Variants in BCL11A observed in about 807,000 individuals in gnomAD.
The protein encoded by BCL11A is B cell CLL/lymphoma 11A.
A neutral mutation model predicts 55.9 loss-of-function variants in BCL11A; 2 were observed. That is an observed-to-expected ratio of 0.04 (90% CI 0.01 to 0.11). The LOEUF (loss-of-function observed/expected upper bound fraction) is 0.11, where lower values mean the gene tolerates loss of function less well. Ranked by LOEUF, BCL11A falls within the 10% of genes least tolerant of loss-of-function variation. The probability of loss-of-function intolerance (pLI) is 1.00; values close to 1 mark genes in which losing one functional copy is unlikely to be tolerated. For missense variants in BCL11A, 817 were observed against 1,137.1 expected (o/e 0.72, Z 4.05); for synonymous variants, 465 against 473.4 (o/e 0.98, Z 0.23).
chr2:60,461,150 C>A lies in BCL11A; in HGVS notation c.1762G>T (p.Asp588Tyr), dbSNP rs1194467711. 6.2e-7 allele frequency: 1 copy of A among 1,612,108 alleles called. No individual in the cohort carries two copies. The highest frequency in any genetic ancestry group is 1.7e-5 in the Admixed American group (1 of 59,910). The change falls in exon 4 of 4, where the codon GAC becomes TAC. Residue 588 changes from aspartate to tyrosine, a missense_variant. Transcript: ENST00000642384. ...AEGHRDTCDEDSVAGESDRID... is the reference protein window; with the variant it reads ...AEGHRDTCDEYSVAGESDRID... Reference sequence around the variant, plus strand: ...CGGTCCGACTCGCCGGCCACCGAGTCTTCGTCGCAAGTGTCCCTGTGGCCC... The same window carrying A: ...CGGTCCGACTCGCCGGCCACCGAGTATTCGTCGCAAGTGTCCCTGTGGCCC...
At chr2:60,526,354 C>CAATA (rs1166412652) in intron 2 of BCL11A, 1 of 152,176 alleles carries the variant, frequency 6.6e-6, no homozygotes, top group African/African-American at 2.4e-5. Flanking sequence ...TACATCTAAT[C>CAATA]AATAAATAAA....
At chr2:60,463,208 G>C (rs1003140154) in intron 3 of BCL11A, among the ~76,000 whole-genome samples, 2 of 152,186 alleles carry the variant, frequency 1.3e-5, no homozygotes, top group Non-Finnish European at 1.5e-5. Context: ...CAGATTTAAC[G>C]GATAGGCTGT....
In BCL11A at chr2:60,467,288, ATGGTGGTGGTAATGG is replaced by A. The variant is rs1202285953; in HGVS notation, c.487+1429_487+1443del. 1.8e-4 allele frequency among the ~76,000 whole-genome samples: 5 copies of A among 27,658 alleles called. 1 individual carries two copies. Among genetic ancestry groups the A allele is most frequent in the African/African-American group, 1.5e-4 (1 of 6,570 alleles). 18.1% of individuals were successfully genotyped at this position (27,658 alleles called of 152,430 possible). On this transcript the variant is annotated intron_variant, in intron 3 of 3. Coordinates refer to ENST00000642384, the MANE Select transcript of BCL11A (RefSeq NM_022893.4). ...GGTGATGGTGGTGGTGGTGGTAGTG[ATGGTGGTGGTAATGG>A]TGGTGGTGGTGATGGTGGTGGTGGT...
chr2:60,481,959 C>A (rs987753618), intron 2 of BCL11A, among the ~76,000 whole-genome samples: 10 of 152,196 alleles, frequency 6.6e-5, no homozygotes, highest in African/African-American at 1.9e-4. Context: ...TTCTCCGGAA[C>A]CTCTGGTCTG....
At chr2:60,524,658 CAA>C (rs1442766521) in intron 2 of BCL11A, 1 of 152,088 alleles carries the variant, frequency 6.6e-6, no homozygotes, top group Non-Finnish European at 1.5e-5. Flanking sequence ...CTATAGATCT[CAA>C]GAGTGCCTGT....
In BCL11A at chr2:60,518,240, T is replaced by C. The variant is rs1668821896; in HGVS notation, c.385+27731A>G. ...TATCAAACCTAGACCTAAAATCATC[T>C]TGTCTCATTCCCTCTGTCAACATCT... On this transcript the variant is annotated intron_variant, in intron 2 of 3. Coordinates refer to ENST00000642384, the MANE Select transcript of BCL11A (RefSeq NM_022893.4). 2.0e-5 allele frequency among the ~76,000 whole-genome samples: 3 copies of C among 152,212 alleles called. No homozygotes were observed. The South Asian group carries it at 6.2e-4, about 31-fold the overall frequency.
In BCL11A at chr2:60,469,306, T is replaced by A. The variant is rs149944377; in HGVS notation, c.386-473A>T. 1.4e-3 allele frequency among the ~76,000 whole-genome samples: 217 copies of A among 152,048 alleles called. 1 individual carries two copies. Among genetic ancestry groups the A allele is most frequent in the African/African-American group, 5.1e-3 (213 of 41,500 alleles). ...AGGAAATGAGTAGATTTGTGAATCGTTTTTTATGGGACAGAGTCCCACTTT... is the reference window on the plus strand; with the variant it reads ...AGGAAATGAGTAGATTTGTGAATCGATTTTTATGGGACAGAGTCCCACTTT... On this transcript the variant is annotated intron_variant, in intron 2 of 3. Transcript: ENST00000642384.
At chr2:60,522,489 G>T (rs1055726117) in intron 2 of BCL11A, 6 of 152,078 alleles carry the variant, frequency 3.9e-5, no homozygotes, top group African/African-American at 1.5e-4. Flanking sequence ...TTCCAGTGAG[G>T]TTCAAGACTG....
At chr2:60,475,168 C>A (rs1332747132) in intron 2 of BCL11A, among the ~76,000 whole-genome samples, 7 of 152,236 alleles carry the variant, frequency 4.6e-5, no homozygotes, top group African/African-American at 1.7e-4. Context: ...AAATATTGCA[C>A]ACTGATTCAT....
chr2:60,549,270 A>T (rs1447607264), intron 1 of BCL11A, among the ~76,000 whole-genome samples: 1 of 152,228 alleles, frequency 6.6e-6, no homozygotes, highest in East Asian at 1.9e-4. Flanking sequence ...AAGGGAAAAA[A>T]ATAATCCTTA....
At chr2:60,479,458 A>G (rs1233338447) in intron 2 of BCL11A, among the ~76,000 whole-genome samples, 1 of 152,246 alleles carries the variant, frequency 6.6e-6, no homozygotes, top group Non-Finnish European at 1.5e-5. Flanking sequence ...TCTCAGGTCT[A>G]CTAGGAACAG....
In BCL11A at chr2:60,553,617, T is replaced by G. The variant is rs1670514849; in HGVS notation, c.-347A>C. 4.8e-5 allele frequency: 17 copies of G among 353,016 alleles called. No individual in the cohort carries two copies. The South Asian group carries it at 7.7e-4, about 16-fold the overall frequency. 21.9% of individuals were successfully genotyped at this position (353,016 alleles called of 1,614,324 possible). A position where few individuals can be genotyped will look rare whatever the true frequency, so the allele number is the denominator to read the frequency against. On this transcript the variant is annotated 5_prime_UTR_variant, in exon 1 of 4. Transcript: ENST00000642384. ...AGTTCAAGTGCGGACGTGACGTCCC[T>G]GCGAACTTGAACGTCAGGAGTCTGG...
chr2:60,521,411 C>A (rs1444242769), intron 2 of BCL11A, among the ~76,000 whole-genome samples: 3 of 152,228 alleles, frequency 2.0e-5, no homozygotes, highest in Non-Finnish European at 2.9e-5. Context: ...TTAGGCCAGT[C>A]TCAGCTTCCA....
At chr2:60,532,847 C>G (rs1008507087) in intron 2 of BCL11A, 1 of 152,172 alleles carries the variant, frequency 6.6e-6, no homozygotes. Context: ...TTTCAAAAGA[C>G]TTATGCAAAG....
intron 2 of BCL11A, among the ~76,000 whole-genome samples, chr2:60,538,737 C>CTGTGTGTGTGTG (rs771828867): frequency 2.5e-5 from 3 of 118,758 alleles, no homozygotes; most frequent in African/African-American, 9.7e-5. Context: ...CTCTCTCTCT[C>CTGTGTGTGTGTG]TCTGTGTGTG....
chr2:60,491,074 G>T (rs971314121), intron 2 of BCL11A, among the ~76,000 whole-genome samples: 7 of 152,136 alleles, frequency 4.6e-5, no homozygotes, highest in Non-Finnish European at 8.8e-5. Flanking sequence ...CAGACTGTGC[G>T]CCAGGTTGGT....
In BCL11A at chr2:60,459,926, T is replaced by C. The variant is rs1572947387; in HGVS notation, c.*478A>G. 9.4e-7 allele frequency: 1 copy of C among 1,061,000 alleles called. No homozygotes were observed. Among genetic ancestry groups the C allele is most frequent in the Non-Finnish European group, 1.1e-6 (1 of 876,576 alleles). 65.7% of individuals were successfully genotyped at this position (1,061,000 alleles called of 1,614,324 possible). On this transcript the variant is annotated 3_prime_UTR_variant, in exon 4 of 4. Transcript: ENST00000642384. ...TATGTATTACAGAATGTATGCAGCA[T>C]GGTCTTTTTCTCTCTCTCTCTCTTT...
chr2:60,453,438 C>T (rs1234758967), downstream of BCL11A, among the ~76,000 whole-genome samples: 2 of 152,210 alleles, frequency 1.3e-5, no homozygotes, highest in African/African-American at 2.4e-5. Context: ...GTTGCCATGG[C>T]GACCCGAAGC....
intron 2 of BCL11A, among the ~76,000 whole-genome samples, chr2:60,538,737 CTCTGTGTGTGTGTGTGTGTGTG>C (rs1669783024): frequency 8.4e-6 from 1 of 118,670 alleles, no homozygotes. Flanking sequence ...CTCTCTCTCT[CTCTGTGTGTGTGTGTGTGTGTG>C]TGTGTGTGTG....
Sources: gnomAD v4.1 joint callset for allele counts (sites outside exome capture counted in the v4.1 genomes callset) on GRCh38, gnomAD v4.1.1 for gene constraint, MANE v1.5 for transcripts, NCBI Gene and HGNC (gene_info 2026-07-23, HGNC 2026-07-21) for gene names.